EXOC4: variants seen among roughly 807,000 people sequenced by gnomAD.
EXOC4 encodes the protein SEC8-like 1.
In EXOC4, 71 loss-of-function variants were observed where a neutral mutation model predicts 107.2. The observed-to-expected ratio is 0.66, with a 90% CI of 0.55 to 0.81. The LOEUF is 0.81. EXOC4 is among the 30% of genes least tolerant of loss of function. EXOC4 has a pLI of 0.00. For synonymous variants in EXOC4, 456 were observed against 441.2 expected (o/e 1.03, Z -0.42); for missense variants, 1,108 against 1,189.6 (o/e 0.93, Z 1.01).
rs1182963873 is a variant in EXOC4, at chr7:133,398,237, C to G, written c.1182+23235C>G. On this transcript the variant is annotated intron_variant, in intron 7 of 17. Coordinates refer to ENST00000253861, the MANE Select transcript of EXOC4 (RefSeq NM_021807.4). The stretch of plus-strand genomic sequence containing the variant: ...TGGGGCTGTGATGGGCTACAGCCTC[C>G]CAGGTTAAGACTTATTTCACATGGA... Among the ~76,000 whole-genome samples, 6 of 152,118 alleles carry G rather than the reference C, an allele frequency of 3.9e-5. No homozygotes were observed. The East Asian group carries it at 9.6e-4, about 24-fold the overall frequency.
At chr7:133,288,574 T>C (rs1794333270) in intron 2 of EXOC4, among the ~76,000 whole-genome samples, 1 of 152,200 alleles carries the variant, frequency 6.6e-6, no homozygotes, top group African/African-American at 2.4e-5. Context: ...TATAATAGCA[T>C]GGACTCTCAC....
chr7:133,626,998 T>C (rs1341735153), intron 9 of EXOC4, among the ~76,000 whole-genome samples: 2 of 152,210 alleles, frequency 1.3e-5, no homozygotes, highest in Non-Finnish European at 2.9e-5. Flanking sequence ...TGCTATAACA[T>C]TTTAGCAAGT....
chr7:133,569,475 G>A (rs184421621), intron 9 of EXOC4, among the ~76,000 whole-genome samples: 1 of 152,156 alleles, frequency 6.6e-6, no homozygotes, highest in African/African-American at 2.4e-5. Context: ...GTACAAGCAG[G>A]CAGTTATTTT....
intron 12 of EXOC4, among the ~76,000 whole-genome samples, chr7:133,904,123 G>A (rs1391432733): frequency 6.6e-6 from 1 of 152,182 alleles, no homozygotes; most frequent in African/African-American, 2.4e-5. Context: ...TGGCATAGTG[G>A]CTGGAGAAAT....
At chr7:133,973,485 GTAAT>G (rs140840323) in intron 14 of EXOC4, among the ~76,000 whole-genome samples, 1,666 of 152,288 alleles carry the variant, frequency 0.011, 14 homozygotes, top group Non-Finnish European at 0.018. Context: ...TGAGTTCAGA[GTAAT>G]TCACATATTC....
intron 10 of EXOC4, among the ~76,000 whole-genome samples, chr7:133,780,878 G>C (rs117538952): frequency 1.3e-5 from 2 of 152,190 alleles, no homozygotes; most frequent in Admixed American, 6.5e-5. Flanking sequence ...TTCAAATGAA[G>C]AACTGTGAAT....
At chr7:133,373,335 G>T (rs893508485) in intron 6 of EXOC4, among the ~76,000 whole-genome samples, 1 of 152,146 alleles carries the variant, frequency 6.6e-6, no homozygotes, top group South Asian at 2.1e-4. Flanking sequence ...GGATTAAAAA[G>T]AATCATCAAT....
At chr7:133,751,533 T>A (rs1333100193) in intron 10 of EXOC4, among the ~76,000 whole-genome samples, 1 of 152,168 alleles carries the variant, frequency 6.6e-6, no homozygotes, top group Non-Finnish European at 1.5e-5. Flanking sequence ...GTTTAATTGG[T>A]TTTCATGGAC....
chr7:134,040,723 G>A (rs946669173), intron 17 of EXOC4, among the ~76,000 whole-genome samples: 1 of 152,108 alleles, frequency 6.6e-6, no homozygotes, highest in Non-Finnish European at 1.5e-5. Context: ...CTAATTCTGA[G>A]GTAACTAAAG....
intron 9 of EXOC4, among the ~76,000 whole-genome samples, chr7:133,561,175 C>G (rs1800797728): frequency 6.6e-6 from 1 of 152,184 alleles, no homozygotes; most frequent in South Asian, 2.1e-4. Flanking sequence ...CACATGAACT[C>G]TTCTCCATGC....
At position 133,707,541 on chromosome 7, in the gene EXOC4, T is replaced by C. The variant is rs902836603; in HGVS notation, c.1514+77400T>C. On this transcript the variant is annotated intron_variant, in intron 10 of 17. Coordinates refer to ENST00000253861, the MANE Select transcript of EXOC4 (RefSeq NM_021807.4). ...TTAAGTTTTCTATTTTAGTGTAGAT[T>C]TTAGGAATCTGCCCAATTTTTGCTC... Among the ~76,000 whole-genome samples, 35 of 149,638 alleles carry C rather than the reference T, an allele frequency of 2.3e-4. 1 individual carries two copies. The highest frequency in any genetic ancestry group is 7.4e-5 in the Non-Finnish European group (5 of 67,120).
intron 17 of EXOC4, among the ~76,000 whole-genome samples, chr7:134,016,034 C>T (rs1006454514): frequency 3.3e-5 from 5 of 151,826 alleles, no homozygotes; most frequent in African/African-American, 1.2e-4. Context: ...GTGAAGGAGT[C>T]AAGGATGACT....
intron 17 of EXOC4, among the ~76,000 whole-genome samples, chr7:134,044,321 G>T (rs1050918964): frequency 1.3e-5 from 2 of 152,174 alleles, no homozygotes; most frequent in Admixed American, 1.3e-4. Context: ...TGAGATTTTT[G>T]AAAGCACTAG....
In EXOC4 at chr7:133,668,342, G is replaced by A. The variant is rs376469370; in HGVS notation, c.1514+38201G>A. 6.6e-5 allele frequency among the ~76,000 whole-genome samples: 10 copies of A among 152,030 alleles called. No homozygotes were observed. In the East Asian group the frequency reaches 1.3e-3, roughly 21 times the overall value. On this transcript the variant is annotated intron_variant, in intron 10 of 17. Coordinates refer to ENST00000253861, the MANE Select transcript of EXOC4 (RefSeq NM_021807.4). ...CGTGTTCACAGTCATTTGCCTAATC[G>A]CCTGTTTTCTGAAGCTTTTCTATAA...
intron 11 of EXOC4, among the ~76,000 whole-genome samples, chr7:133,874,175 AAGGAG>A (rs1798803898): frequency 6.6e-6 from 1 of 152,162 alleles, no homozygotes; most frequent in African/African-American, 2.4e-5. Flanking sequence ...AAATGAAGAA[AAGGAG>A]AGCAACTTGT....
chr7:134,018,915 T>G (rs1384016996), intron 17 of EXOC4, among the ~76,000 whole-genome samples: 1 of 152,062 alleles, frequency 6.6e-6, no homozygotes, highest in Non-Finnish European at 1.5e-5. Context: ...TTTCGATGTA[T>G]GTTTGTTTTT....
intron 10 of EXOC4, chr7:133,733,409 T>G (rs1795370244): frequency 6.6e-6 from 1 of 152,364 alleles, no homozygotes; most frequent in South Asian, 2.1e-4. Flanking sequence ...GGAGAATCGC[T>G]TGAACCCAGG....
chr7:133,817,217 G>A, intron 10 of EXOC4, 108 bp from the exon 11 acceptor site: 1 of 702,524 alleles, frequency 1.4e-6, no homozygotes, highest in Admixed American at 2.4e-5. Context: ...TTGATGACCT[G>A]CCCTCTTCAC....
At chr7:133,436,864 T>C (rs765890287) in intron 7 of EXOC4, among the ~76,000 whole-genome samples, 6 of 152,218 alleles carry the variant, frequency 3.9e-5, no homozygotes, top group African/African-American at 9.6e-5. Context: ...GAGTAACTTA[T>C]GATCTTTTCC....
Sources: allele counts gnomAD v4.1 joint callset (sites outside exome capture counted in the v4.1 genomes callset), GRCh38; gene constraint gnomAD v4.1.1; transcripts MANE v1.5; gene names NCBI Gene and HGNC (gene_info 2026-07-23, HGNC 2026-07-21).